STK40: variants seen among roughly 807,000 people sequenced by gnomAD.
STK40 encodes the protein serine/threonine kinase 40.
In STK40, 13 loss-of-function variants were observed where a neutral mutation model predicts 47.9. The observed-to-expected ratio is 0.27, with a 90% confidence interval of 0.18 to 0.43. STK40 has a LOEUF of 0.43. Among genes scored for constraint, STK40 ranks in the 20% least tolerant of loss-of-function variants. The pLI, the probability that STK40 is intolerant of heterozygous loss-of-function variation, is 1.00. For missense variants in STK40, 460 were observed against 595.1 expected (o/e 0.77, Z 2.36); for synonymous variants, 225 against 243.2 (o/e 0.93, Z 0.69).
At chr1:36,361,470 C>T in intron 1 of STK40, 130 bp from the exon 2 acceptor site, 2 of 1,473,638 alleles carry the variant, frequency 1.4e-6, no homozygotes, top group Non-Finnish European at 1.8e-6. Flanking sequence ...CCTCCTGCTA[C>T]CAGGGGAGCA....
At chr1:36,342,110 A>C in intron 10 of STK40, 137 bp from the exon 11 acceptor site, 1 of 834,678 alleles carries the variant, frequency 1.2e-6, no homozygotes, top group South Asian at 1.7e-5. Flanking sequence ...TCAGGCCTCA[A>C]GGCCGGGGGT....
intron 1 of STK40, among the ~76,000 whole-genome samples, chr1:36,379,439 C>G (rs1647021469): frequency 6.6e-6 from 1 of 151,236 alleles, no homozygotes; most frequent in Non-Finnish European, 1.5e-5. Context: ...CTCTCTCACC[C>G]AGGCTGGAGG....
At position 36,348,696 on chromosome 1, in the gene STK40, G is replaced by A. The variant is rs776696259; in HGVS notation, c.739+4C>T. ...GAGGCCCAATGTCTGGCACACACACGTACCGCTGAGCACGTCGGGACTGAT... is the reference window on the plus strand; with the variant it reads ...GAGGCCCAATGTCTGGCACACACACATACCGCTGAGCACGTCGGGACTGAT... On this transcript the variant is annotated splice_donor_region_variant and intron_variant, in intron 7 of 10. Coordinates refer to ENST00000373132, the MANE Select transcript of STK40 (RefSeq NM_001282547.2). 18 of 1,599,634 alleles carry A rather than the reference G, an allele frequency of 1.1e-5. No individual in the cohort carries two copies. The South Asian group carries it at 1.1e-4, about 10-fold the overall frequency.
intron 1 of STK40, chr1:36,367,927 T>A: frequency 2.0e-6 from 2 of 982,694 alleles, no homozygotes; most frequent in Non-Finnish European, 2.4e-6. Flanking sequence ...CATGCTCCAG[T>A]TGGAGGTGAA....
At chr1:36,346,898 G>T (rs532394585) in intron 7 of STK40, among the ~76,000 whole-genome samples, 24 of 152,350 alleles carry the variant, frequency 1.6e-4, no homozygotes, top group Admixed American at 1.2e-3. Context: ...GGAAGGAGGA[G>T]CCTGGCTCTA....
intron 6 of STK40, among the ~76,000 whole-genome samples, chr1:36,349,671 C>CA (rs1272835906): frequency 1.3e-5 from 2 of 151,642 alleles, no homozygotes; most frequent in East Asian, 3.9e-4. Context: ...AGGCGTGGGG[C>CA]AGGGCAGCTT....
chr1:36,367,112 T>C (rs1646909615), intron 1 of STK40, among the ~76,000 whole-genome samples: 1 of 151,492 alleles, frequency 6.6e-6, no homozygotes, highest in Admixed American at 6.6e-5. Context: ...CCTCCCAAAG[T>C]GCTGGGATTA....
In STK40 at chr1:36,345,005, G is replaced by A. The variant is rs76000775; in HGVS notation, c.740-741C>T. On this transcript the variant is annotated intron_variant, in intron 7 of 10. Coordinates refer to ENST00000373132, the MANE Select transcript of STK40 (RefSeq NM_001282547.2). ...CTGTCCAGGGCCACATGGCTGCTCA[G>A]TGGGCCCACATCTGACTGTCAGGCT... 1.4e-4 allele frequency among the ~76,000 whole-genome samples: 21 copies of A among 152,368 alleles called. No homozygotes were observed. In the East Asian group the frequency reaches 4.0e-3, roughly 29 times the overall value.
chr1:36,345,421 G>A (rs1646690829), intron 7 of STK40, among the ~76,000 whole-genome samples: 1 of 152,234 alleles, frequency 6.6e-6, no homozygotes, highest in Non-Finnish European at 1.5e-5. Context: ...GCCTACAACA[G>A]AGGGCTGTTG....
chr1:36,343,534 T>C, intron 9 of STK40, 86 bp from the exon 10 acceptor site: 1 of 1,298,986 alleles, frequency 7.7e-7, no homozygotes, highest in Non-Finnish European at 1.1e-6. Context: ...CACACCTGGG[T>C]TGTGTTCCTG....
At chr1:36,364,238 CAG>C (rs1410360972) in intron 1 of STK40, among the ~76,000 whole-genome samples, 1 of 152,002 alleles carries the variant, frequency 6.6e-6, no homozygotes, top group Non-Finnish European at 1.5e-5. Context: ...AGCAGAATTG[CAG>C]AGTCAAGTGG....
intron 8 of STK40, 27 bp downstream of exon 8, chr1:36,344,093 C>T (rs369629662): frequency 1.9e-4 from 295 of 1,584,932 alleles, no homozygotes; most frequent in Non-Finnish European, 2.4e-4. Context: ...TGGCTGCCCC[C>T]CCCACCCCCC....
chr1:36,343,184 C>A, intron 10 of STK40, 180 bp downstream of exon 10: 1 of 751,980 alleles, frequency 1.3e-6, no homozygotes, highest in Non-Finnish European at 2.4e-6. Context: ...AAGCCCAAGG[C>A]AGGCCCCAGG....
intron 1 of STK40, among the ~76,000 whole-genome samples, chr1:36,371,794 G>C (rs1038706628): frequency 1.3e-5 from 2 of 150,514 alleles, no homozygotes; most frequent in Non-Finnish European, 2.9e-5. Context: ...TCAGGAGTTC[G>C]AGACCAGCCT....
At chr1:36,355,008 C>T (rs954822583) in intron 5 of STK40, among the ~76,000 whole-genome samples, 198 bp downstream of exon 5, 1 of 152,160 alleles carries the variant, frequency 6.6e-6, no homozygotes, top group Admixed American at 6.5e-5. Flanking sequence ...GGCTGCAGGT[C>T]AGCCCTCACC....
At chr1:36,347,393 G>T (rs925976490) in intron 7 of STK40, among the ~76,000 whole-genome samples, 1 of 152,042 alleles carries the variant, frequency 6.6e-6, no homozygotes, top group African/African-American at 2.4e-5. Context: ...CAGTGAAAGA[G>T]TTGCGAGAAT....
rs1360632014 is a variant in STK40 at position 36,341,221 on chromosome 1, A to C, written c.*534T>G. 1.3e-5 allele frequency: 2 copies of C among 154,176 alleles called. No individual in the cohort carries two copies. Among genetic ancestry groups the C allele is most frequent in the Non-Finnish European group, 2.9e-5 (2 of 69,168 alleles). 9.6% of individuals were successfully genotyped at this position (154,176 alleles called of 1,614,324 possible). On this transcript the variant is annotated 3_prime_UTR_variant, in exon 11 of 11. Coordinates refer to ENST00000373132, the MANE Select transcript of STK40 (RefSeq NM_001282547.2). ...AAATAAATATATTTGAGTTCGGTTT[A>C]AGATGAGGTGAAGGTTTTCCAAAGC... is the stretch of plus-strand genomic sequence containing the variant.
intron 1 of STK40, among the ~76,000 whole-genome samples, chr1:36,377,532 CAAAA>C (rs746089027): frequency 0.012 from 432 of 35,452 alleles, 1 homozygote; most frequent in African/African-American, 0.032. Flanking sequence ...GACTCCGTCT[CAAAA>C]AAAAAAAAAA....
At chr1:36,376,701 CA>C (rs1446068149) in intron 1 of STK40, among the ~76,000 whole-genome samples, 4 of 152,062 alleles carry the variant, frequency 2.6e-5, no homozygotes, top group African/African-American at 7.2e-5. Context: ...TCTATGTTAC[CA>C]AAATAAGCAC....
Sources: allele counts gnomAD v4.1 joint callset (sites outside exome capture counted in the v4.1 genomes callset), GRCh38; gene constraint gnomAD v4.1.1; transcripts MANE v1.5; gene names NCBI Gene and HGNC (gene_info 2026-07-23, HGNC 2026-07-21).